NAALADL2: variants seen among roughly 807,000 people sequenced by gnomAD.
The protein encoded by NAALADL2 is N-acetylated alpha-linked acidic dipeptidase like 2.
In NAALADL2, 76 loss-of-function variants were observed where a neutral mutation model predicts 87.2. The observed-to-expected ratio is 0.87, with a 90% CI of 0.72 to 1.05. NAALADL2 has a LOEUF of 1.05. Among genes scored for constraint, NAALADL2 ranks in the 50% least tolerant of loss-of-function variants. The probability of loss-of-function intolerance (pLI) is 0.00; values close to 1 mark genes in which losing one functional copy is unlikely to be tolerated. For synonymous variants in NAALADL2, 354 were observed against 331.0 expected (o/e 1.07, Z -0.75); for missense variants, 1,089 against 945.8 (o/e 1.15, Z -1.99).
chr3:175,369,015 G>A (rs57768832), intron 5 of NAALADL2, among the ~76,000 whole-genome samples: 7,743 of 152,134 alleles, frequency 0.051, 317 homozygotes, highest in African/African-American at 0.11. Context: ...GGCCTAAGAC[G>A]TTACTATGCA....
At chr3:175,316,218 A>T (rs977991547) in intron 4 of NAALADL2, among the ~76,000 whole-genome samples, 6 of 152,142 alleles carry the variant, frequency 3.9e-5, no homozygotes, top group South Asian at 2.1e-4. Context: ...ATTTTCAAGT[A>T]ACAGAAGCCT....
At chr3:174,856,402 T>C (rs1371688404), upstream of NAALADL2, among the ~76,000 whole-genome samples, 2 of 152,134 alleles carry the variant, frequency 1.3e-5, no homozygotes, top group African/African-American at 4.8e-5. Context: ...AAATATTGAA[T>C]GGAAAATTTT....
chr3:174,957,490 A>G (rs185554016), intron 1 of NAALADL2, among the ~76,000 whole-genome samples: 122 of 152,196 alleles, frequency 8.0e-4, no homozygotes, highest in Middle Eastern at 3.4e-3. Context: ...ACTTAAAAAG[A>G]GCTGGTTATA....
At chr3:174,608,453 A>C (rs949209264) in intron 2 of NAALADL2, among the ~76,000 whole-genome samples, 3 of 151,792 alleles carry the variant, frequency 2.0e-5, no homozygotes, top group Non-Finnish European at 4.4e-5. Context: ...AGAATCAAAT[A>C]GACACAATAA....
chr3:175,576,224 A>T lies in NAALADL2; in HGVS notation c.1800+37A>T, dbSNP rs1718869534. 2.6e-6 allele frequency: 4 copies of T among 1,557,982 alleles called. No homozygotes were observed. In the East Asian group the frequency reaches 9.0e-5, roughly 35 times the overall value. ...TAAAAAATGCAAAACACACACACAC[A>T]ATATAGTAGACCTGCAGAATTTGAT... On this transcript the variant is annotated intron_variant, in intron 10 of 13. Transcript: ENST00000454872.
At chr3:175,034,612 A>G (rs1186693022) in intron 1 of NAALADL2, among the ~76,000 whole-genome samples, 1 of 152,022 alleles carries the variant, frequency 6.6e-6, no homozygotes, top group African/African-American at 2.4e-5. Flanking sequence ...TCTTCATGGC[A>G]TGTTATTTAT....
intron 2 of NAALADL2, among the ~76,000 whole-genome samples, chr3:175,116,746 C>CAACA (rs1553778288): frequency 2.0e-5 from 3 of 151,134 alleles, no homozygotes; most frequent in African/African-American, 7.3e-5. Flanking sequence ...ACAACAACAA[C>CAACA]AAAAAAACCA....
intron 2 of NAALADL2, among the ~76,000 whole-genome samples, chr3:174,674,935 C>T (rs2108811363): frequency 6.6e-6 from 1 of 152,066 alleles, no homozygotes; most frequent in Admixed American, 6.6e-5. Context: ...TTCTGTCAGT[C>T]AGTAGTCTTA....
At chr3:175,477,748 TTG>T (rs1725906709) in intron 9 of NAALADL2, among the ~76,000 whole-genome samples, 1 of 152,164 alleles carries the variant, frequency 6.6e-6, no homozygotes, top group Non-Finnish European at 1.5e-5. Flanking sequence ...AGTCCATGTG[TTG>T]CTCTGGGTTT....
intron 5 of NAALADL2, among the ~76,000 whole-genome samples, chr3:175,437,721 C>G (rs1251800233): frequency 1.3e-5 from 2 of 151,656 alleles, no homozygotes; most frequent in African/African-American, 4.8e-5. Context: ...CTACAGTAAC[C>G]AAAACAGCAT....
chr3:175,009,945 C>T (rs190425099), intron 1 of NAALADL2, among the ~76,000 whole-genome samples: 59 of 151,972 alleles, frequency 3.9e-4, no homozygotes, highest in African/African-American at 1.2e-3. Context: ...AACAAAATCA[C>T]GCTGAAGTAA....
intron 2 of NAALADL2, among the ~76,000 whole-genome samples, chr3:174,624,603 G>A (rs374622351): frequency 2.1e-5 from 3 of 142,386 alleles, no homozygotes; most frequent in South Asian, 2.4e-4. Flanking sequence ...CAGCCTGGGC[G>A]ACAGAGCGAG....
intron 11 of NAALADL2, among the ~76,000 whole-genome samples, chr3:175,677,393 C>G (rs1210361398): frequency 6.6e-6 from 1 of 151,230 alleles, no homozygotes; most frequent in Non-Finnish European, 1.5e-5. Context: ...ACATAAAGAA[C>G]TGCTTGCCTA....
chr3:174,853,173 G>C (rs1009561509), intron 3 of NAALADL2, among the ~76,000 whole-genome samples: 2 of 129,444 alleles, frequency 1.5e-5, no homozygotes, highest in African/African-American at 5.8e-5. Flanking sequence ...AGACCATCCT[G>C]GCCAACATGG....
intron 1 of NAALADL2, among the ~76,000 whole-genome samples, chr3:174,908,056 A>C (rs1733197784): frequency 6.9e-6 from 1 of 145,438 alleles, no homozygotes; most frequent in Admixed American, 6.8e-5. Context: ...GCCTGAGATA[A>C]AATAATTTCC....
At chr3:175,515,670 A>G (rs986611264) in intron 9 of NAALADL2, among the ~76,000 whole-genome samples, 5 of 152,178 alleles carry the variant, frequency 3.3e-5, no homozygotes, top group African/African-American at 1.2e-4. Context: ...GTTGGGCATC[A>G]GATAAGCCGG....
chr3:174,466,554 A>G (rs1186251551), intron 1 of NAALADL2, among the ~76,000 whole-genome samples: 1 of 152,182 alleles, frequency 6.6e-6, no homozygotes, highest in Non-Finnish European at 1.5e-5. Context: ...TTTAAATTGT[A>G]TCATGTTGTT....
chr3:174,531,860 G>A (rs746938928), intron 1 of NAALADL2, among the ~76,000 whole-genome samples: 2 of 152,008 alleles, frequency 1.3e-5, no homozygotes, highest in Non-Finnish European at 2.9e-5. Context: ...TGGTTCATAA[G>A]ACATCTCATA....
chr3:175,744,449 G>C (rs56341317), intron 12 of NAALADL2, among the ~76,000 whole-genome samples: 37,677 of 151,998 alleles, frequency 0.25, 5,101 homozygotes, highest in African/African-American at 0.35. Flanking sequence ...CACTTTCACT[G>C]GGAAAGGTGA....
Sources: allele counts gnomAD v4.1 joint callset (sites outside exome capture counted in the v4.1 genomes callset), GRCh38; gene constraint gnomAD v4.1.1; transcripts MANE v1.5; gene names NCBI Gene and HGNC (gene_info 2026-07-23, HGNC 2026-07-21).